Variants in PDZRN4 observed in about 807,000 individuals in gnomAD.
The protein encoded by PDZRN4 is PDZ domain-containing RING finger protein 4.
PDZRN4 carries 70 observed loss-of-function variants against 99.0 expected under a neutral mutation model. The observed-to-expected ratio is 0.71, with a 90% CI of 0.58 to 0.86. The LOEUF is 0.86. Ranked by LOEUF, PDZRN4 falls within the 40% of genes least tolerant of loss-of-function variation. The pLI is 0.00. For missense variants in PDZRN4, 1,474 were observed against 1,331.2 expected (o/e 1.11, Z -1.67); for synonymous variants, 551 against 501.6 (o/e 1.10, Z -1.32).
chr12:41,409,931 C>T (rs575206871), intron 3 of PDZRN4: 56 of 152,308 alleles, frequency 3.7e-4, no homozygotes, highest in African/African-American at 1.2e-3. Flanking sequence ...TCTGTGTCTT[C>T]ACAGGGCTAT....
chr12:41,350,964 T>C (rs1951885819), intron 3 of PDZRN4, among the ~76,000 whole-genome samples: 1 of 152,118 alleles, frequency 6.6e-6, no homozygotes, highest in Admixed American at 6.6e-5. Context: ...GATTGGAAAG[T>C]ATTGAAACTT....
chr12:41,532,110 A>G (rs1938671562), intron 5 of PDZRN4, among the ~76,000 whole-genome samples: 1 of 152,172 alleles, frequency 6.6e-6, no homozygotes, highest in Non-Finnish European at 1.5e-5. Context: ...TACTGTGGTT[A>G]GAATTTGGGG....
chr12:41,538,259 AG>A (rs1378552058), intron 5 of PDZRN4, among the ~76,000 whole-genome samples: 2 of 152,188 alleles, frequency 1.3e-5, no homozygotes, highest in African/African-American at 2.4e-5. Context: ...ATTTCCATCT[AG>A]AAATTTTTCT....
chr12:41,573,211 T>C lies in PDZRN4; in HGVS notation c.2432T>C (p.Leu811Ser). ...AGCGCTGAAAGCAAGGAGAAGGTTT[T>C]AGAAGGCAGCAAGCTTCCTGATCAA... ...GCSAESKEKV[L>S]EGSKLPDQEK... The change falls in exon 10 of 10, where the codon TTA becomes TCA. Residue 811 changes from leucine to serine, a missense_variant. Coordinates refer to ENST00000402685, the MANE Select transcript of PDZRN4 (RefSeq NM_001164595.2). The C allele has an allele frequency of 6.2e-7, 1 of 1,614,146 alleles. No individual in the cohort carries two copies. Among genetic ancestry groups the C allele is most frequent in the Non-Finnish European group, 8.5e-7 (1 of 1,180,024 alleles).
At chr12:41,280,504 C>A (rs968940101) in intron 3 of PDZRN4, among the ~76,000 whole-genome samples, 2 of 152,136 alleles carry the variant, frequency 1.3e-5, no homozygotes, top group Non-Finnish European at 2.9e-5. Context: ...TGAAGTCAAC[C>A]TGGGACACTC....
intron 3 of PDZRN4, among the ~76,000 whole-genome samples, chr12:41,254,288 C>A (rs908472285): frequency 6.6e-6 from 1 of 151,958 alleles, no homozygotes; most frequent in Non-Finnish European, 1.5e-5. Context: ...ACTTTATATG[C>A]ATGATATTAT....
At chr12:41,505,386 T>C (rs1388172271) in intron 3 of PDZRN4, among the ~76,000 whole-genome samples, 1 of 152,148 alleles carries the variant, frequency 6.6e-6, no homozygotes, top group African/African-American at 2.4e-5. Flanking sequence ...GTCATAAAGC[T>C]CTTTCAGGAT....
chr12:41,447,806 T>C (rs1171416970), intron 3 of PDZRN4, among the ~76,000 whole-genome samples: 2 of 152,096 alleles, frequency 1.3e-5, no homozygotes, highest in African/African-American at 4.8e-5. Context: ...AAATACCAAA[T>C]GTCCCATTTC....
At chr12:41,210,762 T>A (rs1950882884) in intron 3 of PDZRN4, among the ~76,000 whole-genome samples, 1 of 151,920 alleles carries the variant, frequency 6.6e-6, no homozygotes, top group South Asian at 2.1e-4. Context: ...TTTCCATATT[T>A]TTTGTGTATT....
intron 3 of PDZRN4, among the ~76,000 whole-genome samples, chr12:41,486,393 T>C (rs937618923): frequency 6.6e-6 from 1 of 152,084 alleles, no homozygotes; most frequent in Admixed American, 6.6e-5. Flanking sequence ...AACCAAGATA[T>C]GTAAACTTCA....
chr12:41,390,646 G>T (rs1187289227), intron 3 of PDZRN4, among the ~76,000 whole-genome samples: 2 of 148,790 alleles, frequency 1.3e-5, no homozygotes, highest in Non-Finnish European at 1.5e-5. Context: ...CCTTCTAATT[G>T]GGCTAAATAA....
intron 5 of PDZRN4, among the ~76,000 whole-genome samples, chr12:41,543,608 C>T (rs545618999): frequency 6.6e-6 from 1 of 152,234 alleles, no homozygotes; most frequent in African/African-American, 2.4e-5. Flanking sequence ...TGCAGGGGCT[C>T]AAATAGTGGC....
chr12:41,368,068 C>T (rs558758045), intron 3 of PDZRN4, among the ~76,000 whole-genome samples: 3 of 152,124 alleles, frequency 2.0e-5, no homozygotes, highest in South Asian at 2.1e-4. Flanking sequence ...CTTGGCTTTC[C>T]TCTCCTTGTC....
At chr12:41,367,457 C>G (rs1388165775) in intron 3 of PDZRN4, among the ~76,000 whole-genome samples, 2 of 151,926 alleles carry the variant, frequency 1.3e-5, no homozygotes, top group East Asian at 1.9e-4. Flanking sequence ...TGTAGTGAGT[C>G]GAGATCGTAC....
At chr12:41,390,146 A>G (rs1437373212) in intron 3 of PDZRN4, among the ~76,000 whole-genome samples, 2 of 152,126 alleles carry the variant, frequency 1.3e-5, no homozygotes, top group African/African-American at 4.8e-5. Flanking sequence ...TTAATTTACA[A>G]TTGACAAATT....
At chr12:41,378,635 G>A (rs1952099506) in intron 3 of PDZRN4, among the ~76,000 whole-genome samples, 1 of 145,266 alleles carries the variant, frequency 6.9e-6, no homozygotes, top group Non-Finnish European at 1.5e-5. Context: ...CAATTCTCTT[G>A]CCTCAGCCTC....
Position 41,543,078 on chromosome 12 carries a change from C to G in PDZRN4, c.1204-9578C>G, listed in dbSNP as rs182828806. On this transcript the variant is annotated intron_variant, in intron 5 of 9. Transcript: ENST00000402685. ...TCTAGTGTCCTCTCTTAATACATCC[C>G]TAAACCCTCTTCATGGTAGCCAACA... 2.1e-3 allele frequency among the ~76,000 whole-genome samples: 315 copies of G among 152,270 alleles called. 1 individual carries two copies. The highest frequency in any genetic ancestry group is 3.7e-3 in the Non-Finnish European group (255 of 68,014).
rs1159052719 is a variant in PDZRN4 at position 41,506,687 on chromosome 12, A to G, written c.1075A>G (p.Ile359Val). 4 of 1,613,320 alleles carry G rather than the reference A, an allele frequency of 2.5e-6. No homozygotes were observed. In the African/African-American group the frequency reaches 4.0e-5, roughly 16 times the overall value. ...TCCACCTACCCCTCCAGTGCCAGAC[A>G]TCTGTCCATTCCTGCTCTCAGACAG... ...LRPPTPPVPDICPFLLSDSCH... is the reference protein window; with the variant it reads ...LRPPTPPVPDVCPFLLSDSCH... The change falls in exon 4 of 10, where the codon ATC becomes GTC. Residue 359 changes from isoleucine to valine, a missense_variant. Physicochemically the swap from Ile to Val is conservative, Grantham distance 29. Transcript: ENST00000402685.
At chr12:41,357,756 C>A (rs1054327620) in intron 3 of PDZRN4, among the ~76,000 whole-genome samples, 2 of 151,986 alleles carry the variant, frequency 1.3e-5, no homozygotes, top group African/African-American at 4.8e-5. Flanking sequence ...TTAGCCTTCG[C>A]TGGCTGTTTG....
Sources: gnomAD v4.1 joint callset for allele counts (sites outside exome capture counted in the v4.1 genomes callset) on GRCh38, gnomAD v4.1.1 for gene constraint, MANE v1.5 for transcripts, NCBI Gene and HGNC (gene_info 2026-07-23, HGNC 2026-07-21) for gene names.